The following PIGA variants were observed in gnomAD, a reference collection of about 807,000 sequenced individuals.
PIGA encodes the protein phosphatidylinositol glycan anchor biosynthesis class A, also known as phosphatidylinositol N-acetylglucosaminyltransferase subunit A.
A neutral mutation model predicts 17.1 loss-of-function variants in PIGA; 3 were observed. The ratio of observed to expected loss-of-function variants is 0.18; its 90% CI spans 0.08 to 0.45. PIGA has a LOEUF of 0.45. PIGA is among the 20% of genes least tolerant of loss of function. The pLI is 0.99. For synonymous variants in PIGA, 126 were observed against 135.1 expected (o/e 0.93, Z 0.47); for missense variants, 231 against 374.1 (o/e 0.62, Z 3.16).
At chrX:15,323,331 A>G (rs1364473453) in intron 5 of PIGA, among the ~76,000 whole-genome samples, 5 of 111,719 alleles carry the variant, frequency 4.5e-5, no homozygotes, top group Non-Finnish European at 7.5e-5. Flanking sequence ...TATCATCAAA[A>G]TAACCTGTCT....
chrX:15,335,442 A>C (rs1204743414), intron 1 of PIGA, 59 bp downstream of exon 1: 26 of 974,949 alleles, frequency 2.7e-5, no homozygotes, highest in African/African-American at 4.0e-5. Context: ...CGCGCGCAGA[A>C]CAGCCCCATC....
intron 5 of PIGA, among the ~76,000 whole-genome samples, chrX:15,323,094 A>C (rs1415529970): frequency 8.9e-6 from 1 of 112,070 alleles, no homozygotes; most frequent in East Asian, 2.8e-4. Flanking sequence ...AATTAAAAAA[A>C]ATACAGATGC....
intron 2 of PIGA, chrX:15,327,020 G>A (rs1389338272): frequency 1.8e-5 from 2 of 111,668 alleles, no homozygotes; most frequent in African/African-American, 6.5e-5. Context: ...AGCATTTCGG[G>A]AGGCCAAGGC....
At chrX:15,329,550 G>A (rs1317819462) in intron 2 of PIGA, among the ~76,000 whole-genome samples, 1 of 111,315 alleles carries the variant, frequency 9.0e-6, no homozygotes, top group Non-Finnish European at 1.9e-5. Flanking sequence ...TCAAACTACG[G>A]GCAACTCAGT....
chrX:15,321,915 G>A (rs766890789), intron 5 of PIGA, 143 bp from the exon 6 acceptor site: 3 of 515,797 alleles, frequency 5.8e-6, no homozygotes, highest in Non-Finnish European at 9.7e-6. Context: ...TGTTGTCATA[G>A]TAATGATATC....
intron 2 of PIGA, among the ~76,000 whole-genome samples, chrX:15,329,536 T>C (rs772708043): frequency 8.9e-6 from 1 of 111,767 alleles, no homozygotes; most frequent in Non-Finnish European, 1.9e-5. Context: ...CCTGCAATCC[T>C]ACATCAAACT....
chrX:15,328,298 G>C (rs768086329), intron 2 of PIGA: 5 of 112,035 alleles, frequency 4.5e-5, no homozygotes, highest in Non-Finnish European at 9.4e-5. Flanking sequence ...ATTGTACCAC[G>C]AACAGGCTTT....
intron 3 of PIGA, chrX:15,325,685 T>TG: frequency 4.0e-6 from 1 of 249,760 alleles, no homozygotes; most frequent in Non-Finnish European, 7.0e-6. Flanking sequence ...CCTCCAACAA[T>TG]GGCCCCCCAA....
intron 2 of PIGA, chrX:15,326,390 G>T (rs1031369538): frequency 2.6e-5 from 3 of 115,048 alleles, no homozygotes; most frequent in African/African-American, 9.6e-5. Flanking sequence ...TAAGGTTTGA[G>T]TTCGTTTTCT....
At position 15,325,122 on chromosome X, in the gene PIGA, C is replaced by T. The variant is rs777674120; in HGVS notation, c.879G>A (p.Lys293=). The change falls in exon 4 of 6, where the codon AAG becomes AAA. Residue 293 remains lysine (K), a synonymous_variant. Transcript: ENST00000333590. Reference sequence around the variant, plus strand: ...CTTGAACTAAGACATTTCTAACATCCTTGTGTTCTAAAGCTCCCAAAAGAC... The same window carrying T: ...CTTGAACTAAGACATTTCTAACATCTTTGTGTTCTAAAGCTCCCAAAAGAC... ...RVRLLGALEH[K]DVRNVLVQGH... is the part of the protein sequence containing the mutation. 1.6e-5 allele frequency: 19 copies of T among 1,200,791 alleles called. No homozygotes were observed. In the Admixed American group the frequency reaches 3.8e-4, roughly 24 times the overall value.
rs1922311710 is a variant in PIGA at position 15,335,498 on chromosome X, C to T, written c.-63+3G>A. ...GGAGAGGGGCGGCGCGACGCGCACT[C>T]ACCGGTGAGTTCCATGGCCGCCAGT... On this transcript the variant is annotated splice_donor_region_variant and intron_variant, in intron 1 of 5. Coordinates refer to ENST00000333590, the MANE Select transcript of PIGA (RefSeq NM_002641.4). The T allele has an allele frequency of 6.1e-6, 6 of 982,134 alleles. No homozygotes were observed. In the African/African-American group the frequency reaches 8.0e-5, roughly 13 times the overall value. 80.9% of individuals were successfully genotyped at this position (982,134 alleles called of 1,213,427 possible).
intron 1 of PIGA, among the ~76,000 whole-genome samples, chrX:15,332,980 C>T (rs2147725048): frequency 8.9e-6 from 1 of 111,951 alleles, no homozygotes; most frequent in East Asian, 2.8e-4. Flanking sequence ...TGTTTTACAT[C>T]GTCTTGGGGT....
chrX:15,321,176 C>T lies in PIGA; in HGVS notation c.*330G>A. Reference sequence around the variant, plus strand: ...ACATTAAAAACTGGCCAAAAAATGCCCAGAAAACGTTTGGCCCTTCAGCAC... The same window carrying T: ...ACATTAAAAACTGGCCAAAAAATGCTCAGAAAACGTTTGGCCCTTCAGCAC... On this transcript the variant is annotated 3_prime_UTR_variant, in exon 6 of 6. Transcript: ENST00000333590. 1 of 157,032 alleles carries T rather than the reference C, an allele frequency of 6.4e-6. No homozygotes were observed. Among genetic ancestry groups the T allele is most frequent in the East Asian group, 1.5e-4 (1 of 6,746 alleles). The allele number at this position is 157,032 out of a possible 1,213,427, so 12.9% of individuals were successfully genotyped here. A position where few individuals can be genotyped will look rare whatever the true frequency, so the allele number is the denominator to read the frequency against.
At chrX:15,334,817 T>C (rs1922283316) in intron 1 of PIGA, among the ~76,000 whole-genome samples, 1 of 112,515 alleles carries the variant, frequency 8.9e-6, no homozygotes, top group African/African-American at 3.2e-5. Flanking sequence ...TTCATTATGC[T>C]GCACAATCGC....
chrX:15,331,839 C>T lies in PIGA; in HGVS notation c.92G>A (p.Arg31His), dbSNP rs758863767. ...SPGSLYTCRT[R>H]THNICMVSDF... Reference sequence around the variant, plus strand: ...AGATACCATGCATATATTATGGGTACGGGTTCTACATGTGTAAAGACTTCC... The same window carrying T: ...AGATACCATGCATATATTATGGGTATGGGTTCTACATGTGTAAAGACTTCC... Residue 31 changes from arginine to histidine, a missense_variant, in exon 2 of 6, where the codon CGT becomes CAT. Arg to His is a conservative substitution (Grantham distance 29). Around this residue, in one of 5 missense-constraint regions of PIGA, gnomAD observed 29 missense variants for 28.1 expected, o/e 1.03. Coordinates refer to ENST00000333590, the MANE Select transcript of PIGA (RefSeq NM_002641.4). 2.2e-5 allele frequency: 27 copies of T among 1,210,118 alleles called. No homozygotes were observed. The highest frequency in any genetic ancestry group is 1.7e-4 in the Admixed American group (8 of 45,801).
intron 2 of PIGA, chrX:15,330,907 T>G (rs1298650392): frequency 5.3e-6 from 1 of 187,227 alleles, no homozygotes; most frequent in East Asian, 1.2e-4. Flanking sequence ...CGGCCTGCCC[T>G]CTACTTCTTT....
chrX:15,322,443 G>T (rs756703907), intron 5 of PIGA, among the ~76,000 whole-genome samples: 1 of 112,149 alleles, frequency 8.9e-6, no homozygotes, highest in Non-Finnish European at 1.9e-5. Flanking sequence ...ATGAAATAAC[G>T]TTTTTTGCTG....
Position 15,331,882 on chromosome X carries a change from G to A in PIGA, c.49C>T (p.Leu17Phe), listed in dbSNP as rs1373760754. The A allele has an allele frequency of 3.3e-6, 4 of 1,209,806 alleles. No individual in the cohort carries two copies. The highest frequency in any genetic ancestry group is 1.7e-5 in the African/African-American group (1 of 57,772). Residue 17 changes from leucine to phenylalanine, a missense_variant, in exon 2 of 6, where the codon CTC (leucine) becomes TTC (phenylalanine). Physicochemically the swap from Leu to Phe is conservative, Grantham distance 22 (BLOSUM62 0). Coordinates refer to ENST00000333590, the MANE Select transcript of PIGA (RefSeq NM_002641.4). ...AGNGHRASAT[L>F]SRVSPGSLYT... ...AGACTTCCAGGGCTAACCCGAGAGA[G>A]TGTAGCTGAGGCACGGTGGCCATTC...
rs1449341363 is a variant in PIGA at position 15,321,715 on chromosome X, G to T, written c.1246C>A (p.Leu416Ile). 1.7e-6 allele frequency: 2 copies of T among 1,208,806 alleles called. No individual in the cohort carries two copies. Residue 416 changes from leucine to isoleucine, a missense_variant, in exon 6 of 6, where the codon CTT (leucine) becomes ATT (isoleucine). Leu to Ile is a conservative substitution (Grantham distance 5). Transcript: ENST00000333590. ...GTTACTGGGCCGCAGTGAGAAATAA[G>T]TCTGTCCAGTCGTTTGTCCATTGGC... is the stretch of plus-strand genomic sequence containing the variant. Reference protein sequence around the residue: ...VLPMDKRLDRLISHCGPVTGY... With the variant: ...VLPMDKRLDRIISHCGPVTGY...
Sources: allele counts gnomAD v4.1 joint callset (sites outside exome capture counted in the v4.1 genomes callset), GRCh38; gene constraint gnomAD v4.1.1; regional missense constraint gnomAD v4.1.1; transcripts MANE v1.5; gene names NCBI Gene and HGNC (gene_info 2026-07-23, HGNC 2026-07-21).